Variants in SMARCB1 observed in about 807,000 individuals in gnomAD.
The protein encoded by SMARCB1 is SWI/SNF related BAF chromatin remodeling complex subunit B1.
SMARCB1 carries 5 observed loss-of-function variants against 49.0 expected under a neutral mutation model. The ratio of observed to expected loss-of-function variants is 0.10; its 90% CI spans 0.05 to 0.21. The LOEUF is 0.21. SMARCB1 is among the 10% of genes least tolerant of loss of function. The pLI is 1.00. For synonymous variants in SMARCB1, 201 were observed against 200.1 expected, an observed-to-expected ratio of 1.00 and a Z score of -0.04; for missense variants, 226 against 509.2, an observed-to-expected ratio of 0.44 and a Z score of 5.35.
At chr22:23,794,205 G>A (rs935776163) in intron 3 of SMARCB1, among the ~76,000 whole-genome samples, 5 of 152,240 alleles carry the variant, frequency 3.3e-5, no homozygotes, top group African/African-American at 9.6e-5. Flanking sequence ...GCATCCCAGA[G>A]TGCTGGGATT....
rs1436946434 is a variant in SMARCB1 at position 23,809,953 on chromosome 22, G to A, written c.628+6531G>A. Among the ~76,000 whole-genome samples the A allele has an allele frequency of 7.8e-4, 108 of 138,730 alleles. No homozygotes were observed. In the Middle Eastern group the frequency reaches 0.025, roughly 32 times the overall value. The allele number at this position is 138,730 out of a possible 152,430, so 91.0% of individuals were successfully genotyped here. ...TGGGAGGCCGAGGCGGGCGGATCAC[G>A]AGGTCAGGAATTGGAGGCCAGCCTG... On this transcript the variant is annotated intron_variant, in intron 5 of 8. Transcript: ENST00000644036.
rs2030975132 is a variant in SMARCB1 at position 23,835,509 on chromosome 22, GA to G, written c.*1330del. ...GTTCTTGGTCGCTGAGATGTGAGAG[GA>G]GGGCTCCTTTGAGCACATGTTAGCA... On this transcript the variant is annotated 3_prime_UTR_variant, in exon 9 of 9. Coordinates refer to ENST00000644036, the MANE Select transcript of SMARCB1 (RefSeq NM_003073.5). 3.4e-5 allele frequency: 34 copies of G among 985,582 alleles called. No individual in the cohort carries two copies. The South Asian group carries it at 1.5e-3, about 44-fold the overall frequency. The allele number at this position is 985,582 out of a possible 1,614,324, so 61.1% of individuals were successfully genotyped here.
At chr22:23,820,564 T>A (rs2030031505) in intron 6 of SMARCB1, among the ~76,000 whole-genome samples, 1 of 152,224 alleles carries the variant, frequency 6.6e-6, no homozygotes, top group Non-Finnish European at 1.5e-5. Flanking sequence ...ACAGCGAGAC[T>A]CTGACTCAGT....
chr22:23,805,089 G>C (rs1445112955), intron 5 of SMARCB1, among the ~76,000 whole-genome samples: 1 of 152,194 alleles, frequency 6.6e-6, no homozygotes, highest in Non-Finnish European at 1.5e-5. Flanking sequence ...TGGTAGGCCT[G>C]AGTGCTAGGC....
intron 7 of SMARCB1, among the ~76,000 whole-genome samples, chr22:23,831,022 G>T (rs2030629925): frequency 6.6e-6 from 1 of 152,220 alleles, no homozygotes; most frequent in South Asian, 2.1e-4. Context: ...AGAATCCATT[G>T]TCAATCCAGA....
chr22:23,801,107 C>T (rs1398131308), intron 4 of SMARCB1, 26 bp downstream of exon 4: 3 of 1,614,234 alleles, frequency 1.9e-6, no homozygotes, highest in East Asian at 2.2e-5. Flanking sequence ...TGCACTCACC[C>T]TCCGTGCTGA....
At chr22:23,799,679 ATTTTTTTT>A (rs71184912) in intron 3 of SMARCB1, among the ~76,000 whole-genome samples, 1 of 68,406 alleles carries the variant, frequency 1.5e-5, no homozygotes, top group Non-Finnish European at 2.7e-5. Context: ...CACCTGGCTA[ATTTTTTTT>A]TTTTTTTTTT....
At chr22:23,793,018 C>T (rs963458728) in intron 2 of SMARCB1, 6 of 209,222 alleles carry the variant, frequency 2.9e-5, no homozygotes, top group African/African-American at 1.1e-4. Context: ...CCAGGCAGCA[C>T]GTGTGGACCG....
In SMARCB1 at chr22:23,799,512, G is replaced by T. The variant is rs796645194; in HGVS notation, c.363-1432G>T. Among the ~76,000 whole-genome samples the T allele has an allele frequency of 1.6e-3, 172 of 107,854 alleles. 3 individuals carry two copies. The East Asian group carries it at 0.028, about 18-fold the overall frequency. The allele number at this position is 107,854 out of a possible 152,430, so 70.8% of individuals were successfully genotyped here. ...AGGCTGGTTTCGAACTCACCTTTTGGTTTTTTTTTTTTTTTTTGAGATGGA... is the reference window on the plus strand; with the variant it reads ...AGGCTGGTTTCGAACTCACCTTTTGTTTTTTTTTTTTTTTTTTGAGATGGA... On this transcript the variant is annotated intron_variant, in intron 3 of 8. Coordinates refer to ENST00000644036, the MANE Select transcript of SMARCB1 (RefSeq NM_003073.5).
Position 23,787,163 on chromosome 22 carries a change from C to T in SMARCB1, c.-7C>T. 1.2e-6 allele frequency: 2 copies of T among 1,600,600 alleles called. No homozygotes were observed. The highest frequency in any genetic ancestry group is 1.7e-5 in the Admixed American group (1 of 59,604). On this transcript the variant is annotated 5_prime_UTR_variant, in exon 1 of 9. Transcript: ENST00000644036. ...CCCGGCTCCGGCCGCCCGCCTCTGC[C>T]GCCGCAATGATGATGATGGCGCTGA...
chr22:23,832,108 C>G (rs1944999605), intron 7 of SMARCB1, among the ~76,000 whole-genome samples: 2 of 152,152 alleles, frequency 1.3e-5, no homozygotes, highest in South Asian at 4.1e-4. Context: ...AGCACTGAGC[C>G]CAACCTGGAA....
intron 1 of SMARCB1, among the ~76,000 whole-genome samples, chr22:23,789,819 C>T (rs572076773): frequency 2.2e-4 from 34 of 152,296 alleles, no homozygotes; most frequent in Non-Finnish European, 3.8e-4. Context: ...AGTGGATGGA[C>T]GGTCTCAGCC....
intron 6 of SMARCB1, chr22:23,824,829 G>A: frequency 3.1e-6 from 1 of 320,572 alleles, no homozygotes; most frequent in Non-Finnish European, 6.1e-6. Context: ...GCTCAAGACA[G>A]GGCTTAGGGA....
At position 23,828,357 on chromosome 22, in the gene SMARCB1, C is replaced by T. The variant is rs187267132; in HGVS notation, c.986+2942C>T. ...TGAGCCACCGCGCTCGGCCACATGA[C>T]TTCTTAAGAAGGGTTTTCAGGCTAG... On this transcript the variant is annotated intron_variant, in intron 7 of 8. Coordinates refer to ENST00000644036, the MANE Select transcript of SMARCB1 (RefSeq NM_003073.5). 1.7e-3 allele frequency among the ~76,000 whole-genome samples: 260 copies of T among 150,256 alleles called. 3 individuals carry two copies. The highest frequency in any genetic ancestry group is 6.1e-3 in the African/African-American group (252 of 41,218).
chr22:23,814,053 C>A (rs1054203982), intron 5 of SMARCB1, among the ~76,000 whole-genome samples: 14 of 152,120 alleles, frequency 9.2e-5, no homozygotes, highest in Admixed American at 8.5e-4. Context: ...TGGTCTCAAA[C>A]TCCTGAGCTC....
chr22:23,816,543 C>T (rs577268365), intron 5 of SMARCB1: 220 of 623,632 alleles, frequency 3.5e-4, no homozygotes, highest in Non-Finnish European at 4.1e-4. Flanking sequence ...GCCATGACCA[C>T]CCCCAGGGCA....
At chr22:23,801,494 A>G (rs1764592014) in intron 4 of SMARCB1, 2 of 433,720 alleles carry the variant, frequency 4.6e-6, no homozygotes, top group Non-Finnish European at 4.4e-6. Context: ...AGCAGAGCAC[A>G]TTTCTTCCCT....
intron 5 of SMARCB1, among the ~76,000 whole-genome samples, chr22:23,807,453 T>C (rs1341550737): frequency 1.3e-5 from 2 of 152,068 alleles, no homozygotes; most frequent in African/African-American, 4.8e-5. Context: ...CACGTGCCTG[T>C]GATCTCAGCT....
At chr22:23,817,827 A>ATATCT (rs3062487) in intron 6 of SMARCB1, 140,017 of 151,880 alleles carry the variant, frequency 0.92, 64,709 homozygotes, top group Middle Eastern at 0.97. Context: ...AAACAACTAA[A>ATATCT]TATCTTATTT....
Sources: gnomAD v4.1 joint callset for allele counts (sites outside exome capture counted in the v4.1 genomes callset) on GRCh38, gnomAD v4.1.1 for gene constraint, MANE v1.5 for transcripts, NCBI Gene and HGNC (gene_info 2026-07-23, HGNC 2026-07-21) for gene names.